Variants in AGBL1 observed in about 807,000 individuals in gnomAD.
AGBL1 encodes cytosolic carboxypeptidase 4.
In AGBL1, 130 loss-of-function variants were observed where a neutral mutation model predicts 118.9. The observed-to-expected ratio is 1.09, with a 90% CI of 0.95 to 1.26. The LOEUF is 1.26. Ranked by LOEUF, AGBL1 falls within the 50% of genes most tolerant of loss-of-function variation. The pLI is 0.00. For missense variants in AGBL1, 1,584 were observed against 1,298.1 expected, an observed-to-expected ratio of 1.22 and a Z score of -3.38; for synonymous variants, 555 against 478.9, an observed-to-expected ratio of 1.16 and a Z score of -2.08.
intron 17 of AGBL1, among the ~76,000 whole-genome samples, chr15:86,325,828 T>C (rs1262436898): frequency 6.6e-6 from 1 of 152,108 alleles, no homozygotes; most frequent in African/African-American, 2.4e-5. Flanking sequence ...TCTGTGCACG[T>C]TGGGGGTGGT....
At chr15:86,539,201 A>G (rs1187833208) in intron 19 of AGBL1, among the ~76,000 whole-genome samples, 1 of 152,154 alleles carries the variant, frequency 6.6e-6, no homozygotes, top group African/African-American at 2.4e-5. Flanking sequence ...AAACTACACA[A>G]AGTCTTCAAT....
At chr15:86,986,703 T>A (rs1324396674) in intron 23 of AGBL1, among the ~76,000 whole-genome samples, 1 of 152,180 alleles carries the variant, frequency 6.6e-6, no homozygotes, top group Non-Finnish European at 1.5e-5. Context: ...CATCTCTTCA[T>A]TTATTTGTGT....
intron 21 of AGBL1, among the ~76,000 whole-genome samples, chr15:86,669,760 T>C (rs1471505364): frequency 6.6e-6 from 1 of 152,170 alleles, no homozygotes; most frequent in Non-Finnish European, 1.5e-5. Flanking sequence ...GATATTTTCT[T>C]GATGAGATTA....
intron 22 of AGBL1, among the ~76,000 whole-genome samples, chr15:86,881,477 C>T (rs1596586561): frequency 6.6e-6 from 1 of 152,170 alleles, no homozygotes; most frequent in Non-Finnish European, 1.5e-5. Context: ...TCCTCCTTGC[C>T]TGTGTCACCA....
intron 7 of AGBL1, among the ~76,000 whole-genome samples, chr15:86,250,725 C>T (rs1241968197): frequency 6.6e-6 from 1 of 152,136 alleles, no homozygotes; most frequent in Non-Finnish European, 1.5e-5. Context: ...CCCCGGCAGT[C>T]ATAACCAGTG....
intron 22 of AGBL1, among the ~76,000 whole-genome samples, chr15:86,871,600 A>C (rs570618338): frequency 6.6e-6 from 1 of 152,238 alleles, no homozygotes; most frequent in Non-Finnish European, 1.5e-5. Flanking sequence ...TAAGATGGTT[A>C]ACTGCCTCAT....
At chr15:86,096,839 T>G (rs1342994288) in intron 1 of AGBL1, among the ~76,000 whole-genome samples, 1 of 152,202 alleles carries the variant, frequency 6.6e-6, no homozygotes, top group Admixed American at 6.5e-5. Flanking sequence ...TCCTCTGAAG[T>G]GGCTGATCTG....
intron 4 of AGBL1, among the ~76,000 whole-genome samples, chr15:86,156,289 T>G (rs1348873618): frequency 6.6e-6 from 1 of 152,162 alleles, no homozygotes; most frequent in Non-Finnish European, 1.5e-5. Flanking sequence ...TACTGGCCCC[T>G]CTCTTTGGCT....
At chr15:86,444,071 ACAGTGTAC>A (rs1312160401) in intron 18 of AGBL1, among the ~76,000 whole-genome samples, 1 of 152,186 alleles carries the variant, frequency 6.6e-6, no homozygotes, top group Non-Finnish European at 1.5e-5. Context: ...ATTCCCACCA[ACAGTGTAC>A]CAGCATTCCC....
chr15:86,623,935 C>T (rs1314239064), intron 21 of AGBL1, among the ~76,000 whole-genome samples: 1 of 152,196 alleles, frequency 6.6e-6, no homozygotes, highest in African/African-American at 2.4e-5. Context: ...TCTAGTCTGA[C>T]ACTGCTGTGC....
chr15:86,465,726 C>A (rs1051970688), intron 18 of AGBL1, among the ~76,000 whole-genome samples: 1 of 152,164 alleles, frequency 6.6e-6, no homozygotes, highest in African/African-American at 2.4e-5. Context: ...TGGTGAAATT[C>A]TAGTCAGACT....
intron 22 of AGBL1, among the ~76,000 whole-genome samples, chr15:86,865,053 C>T (rs1443947026): frequency 1.3e-5 from 2 of 152,150 alleles, no homozygotes; most frequent in African/African-American, 4.8e-5. Flanking sequence ...GACTTGTTCG[C>T]TGTAGAATCC....
chr15:86,848,497 T>A (rs2079351304), intron 22 of AGBL1, among the ~76,000 whole-genome samples: 1 of 152,212 alleles, frequency 6.6e-6, no homozygotes, highest in Non-Finnish European at 1.5e-5. Flanking sequence ...TCACATCCCT[T>A]CATCATCTTG....
At chr15:86,164,975 C>A (rs2077317447) in intron 5 of AGBL1, among the ~76,000 whole-genome samples, 1 of 152,188 alleles carries the variant, frequency 6.6e-6, no homozygotes, top group Admixed American at 6.5e-5. Flanking sequence ...TCTTTAGTAT[C>A]CCCACCTTCT....
intron 18 of AGBL1, 50 bp from the exon 19 acceptor site, chr15:86,522,760 G>C: frequency 6.3e-7 from 1 of 1,587,660 alleles, no homozygotes; most frequent in Non-Finnish European, 8.6e-7. Flanking sequence ...ATTTTCTCAA[G>C]TTATTTTCTT....
intron 17 of AGBL1, among the ~76,000 whole-genome samples, chr15:86,352,130 G>T (rs142988393): frequency 1.3e-5 from 2 of 152,302 alleles, no homozygotes; most frequent in African/African-American, 2.4e-5. Context: ...AGCAAGACTG[G>T]AGTTCCTGGT....
chr15:86,262,166 C>T (rs1448804002), intron 9 of AGBL1, among the ~76,000 whole-genome samples: 2 of 142,712 alleles, frequency 1.4e-5, no homozygotes, highest in Non-Finnish European at 3.0e-5. Context: ...AAACAGCCTC[C>T]CATTCCCCAG....
chr15:86,654,012 C>T (rs1005230242), intron 21 of AGBL1, among the ~76,000 whole-genome samples: 1 of 152,118 alleles, frequency 6.6e-6, no homozygotes, highest in African/African-American at 2.4e-5. Context: ...GCAGAGGTAA[C>T]AGGAAACCAC....
intron 24 of AGBL1, among the ~76,000 whole-genome samples, chr15:86,995,243 C>A (rs114653431): frequency 1.3e-4 from 20 of 151,934 alleles, no homozygotes; most frequent in African/African-American, 4.8e-4. Context: ...AAAAATTAGC[C>A]GAACTTGATG....
Sources: allele counts gnomAD v4.1 joint callset (sites outside exome capture counted in the v4.1 genomes callset), GRCh38; gene constraint gnomAD v4.1.1; transcripts MANE v1.5; gene names NCBI Gene and HGNC (gene_info 2026-07-23, HGNC 2026-07-21).